INA: variants seen among roughly 807,000 people sequenced by gnomAD.
INA encodes the protein alpha-internexin.
A neutral mutation model predicts 40.1 loss-of-function variants in INA; 35 were observed. The observed-to-expected ratio is 0.87, with a 90% confidence interval of 0.67 to 1.16. INA has a LOEUF of 1.16. Among genes scored for constraint, INA ranks in the 50% most tolerant of loss-of-function variants. INA has a pLI of 0.00. For missense variants in INA, 594 were observed against 686.7 expected (o/e 0.87, Z 1.51); for synonymous variants, 290 against 316.9 (o/e 0.92, Z 0.90).
intron 2 of INA, 41 bp from the exon 3 acceptor site, chr10:103,288,319 G>A: frequency 2.0e-6 from 3 of 1,533,494 alleles, no homozygotes; most frequent in Non-Finnish European, 2.6e-6. Context: ...GGGGGGAAAA[G>A]TTATTGACTT....
At chr10:103,279,575 A>G (rs530584690) in intron 1 of INA, among the ~76,000 whole-genome samples, 1 of 152,368 alleles carries the variant, frequency 6.6e-6, no homozygotes, top group South Asian at 2.1e-4. Context: ...GAATGACTAT[A>G]ATTCAGAAAC....
rs764379458 is a variant in INA at position 103,277,332 on chromosome 10, C to T, written c.121C>T (p.Gln41Ter). ...GAGGAGGFRS[Q>*]SLSRSNVASS... ...CGGCGGCGCGGGCGGCTTCCGCTCG[C>T]AGTCGCTGTCCCGCAGCAATGTGGC... Residue 41 changes from glutamine to a stop codon, truncating the protein, a stop_gained, in exon 1 of 3, where the codon CAG (glutamine) becomes TAG (stop). Coordinates refer to ENST00000369849, the MANE Select transcript of INA (RefSeq NM_032727.4). LOFTEE classifies it high-confidence loss of function. The surrounding 1 kb of genome is among the most constrained non-coding windows in gnomAD (Gnocchi z 5.6). 1 of 1,583,562 alleles carries T rather than the reference C, an allele frequency of 6.3e-7. No homozygotes were observed. The highest frequency in any genetic ancestry group is 1.1e-5 in the South Asian group (1 of 88,570).
At position 103,277,462 on chromosome 10, in the gene INA, CCAA is replaced by C; in HGVS notation, c.253_255del (p.Asn85del). 6.3e-7 allele frequency: 1 copy of C among 1,577,712 alleles called. No individual in the cohort carries two copies. ...GACCTGAGCCAGGCGGCGGCGCGCA[CCAA>C]CGAGTACAAGATCATCCGCACCAAC... On this transcript the variant is annotated inframe_deletion, in exon 1 of 3. Coordinates refer to ENST00000369849, the MANE Select transcript of INA (RefSeq NM_032727.4). This position sits in a 1 kb window ranked among gnomAD's most constrained non-coding sequence, Gnocchi z 5.6.
chr10:103,281,313 G>A (rs888349660), intron 1 of INA, among the ~76,000 whole-genome samples: 1 of 152,054 alleles, frequency 6.6e-6, no homozygotes, highest in African/African-American at 2.4e-5. Context: ...TAAACTAGTG[G>A]ATCCTAAACC....
chr10:103,277,703 C>T lies in INA; in HGVS notation c.492C>T (p.Ala164=). ...LEEASSARSQ[A]LLERDGLAEE... ...AGGCCAGCTCGGCTCGCTCGCAGGC[C>T]CTGCTGGAGCGCGACGGGCTGGCGG... is the stretch of plus-strand genomic sequence containing the variant. The change falls in exon 1 of 3, where the codon GCC becomes GCT. Residue 164 remains alanine, a synonymous_variant. Coordinates refer to ENST00000369849, the MANE Select transcript of INA (RefSeq NM_032727.4). This position sits in a 1 kb window ranked among gnomAD's most constrained non-coding sequence, Gnocchi z 5.6. 7.3e-7 allele frequency: 1 copy of T among 1,376,036 alleles called. No individual in the cohort carries two copies. The allele number at this position is 1,376,036 out of a possible 1,614,324, so 85.2% of individuals were successfully genotyped here.
Position 103,278,356 on chromosome 10 carries a change from C to A in INA, c.1065+80C>A, listed in dbSNP as rs1180736338. On this transcript the variant is annotated intron_variant, in intron 1 of 2. Coordinates refer to ENST00000369849, the MANE Select transcript of INA (RefSeq NM_032727.4). This position sits in a 1 kb window ranked among gnomAD's most constrained non-coding sequence, Gnocchi z 4.9. Reference sequence around the variant, plus strand: ...CCTCTTCCTCTGGTAAAACTGGGCCCCAGGACTTAAGGGGAGGGCAAAAGA... The same window carrying A: ...CCTCTTCCTCTGGTAAAACTGGGCCACAGGACTTAAGGGGAGGGCAAAAGA... The A allele has an allele frequency of 1.6e-6, 2 of 1,224,726 alleles. No homozygotes were observed. The highest frequency in any genetic ancestry group is 5.1e-5 in the East Asian group (2 of 38,974). The allele number at this position is 1,224,726 out of a possible 1,614,324, so 75.9% of individuals were successfully genotyped here.
chr10:103,280,423 G>C, intron 1 of INA: 1 of 985,428 alleles, frequency 1.0e-6, no homozygotes, highest in Non-Finnish European at 1.2e-6. Flanking sequence ...GCTGACCAAG[G>C]TGAAAAGCCT....
At chr10:103,280,075 C>A in intron 1 of INA, 1 of 1,234,512 alleles carries the variant, frequency 8.1e-7, no homozygotes, top group South Asian at 1.4e-5. Context: ...CCCATACATT[C>A]TAAGAAGTAG....
At chr10:103,287,702 T>C (rs1269738009) in intron 2 of INA, among the ~76,000 whole-genome samples, 2 of 132,746 alleles carry the variant, frequency 1.5e-5, no homozygotes, top group Admixed American at 8.8e-5. Flanking sequence ...GTCACTGCAC[T>C]CCAGCCTGGG....
In INA at chr10:103,277,546, T is replaced by C. The variant is rs749296816; in HGVS notation, c.335T>C (p.Val112Ala). Residue 112 changes from valine (V) to alanine (A), a missense_variant, in exon 1 of 3, where the codon GTG becomes GCG. Physicochemically the swap from Val to Ala is moderately conservative, Grantham distance 64. Around this residue, in one of 2 missense-constraint regions of INA, gnomAD observed 215 missense variants for 190.6 expected, o/e 1.13. Transcript: ENST00000369849. This position sits in a 1 kb window ranked among gnomAD's most constrained non-coding sequence, Gnocchi z 5.6. ...NDRFAVFIEK[V>A]HQLETQNRAL... ...CGCTTCGCCGTGTTCATCGAGAAGG[T>C]GCATCAGCTGGAGACGCAGAACCGC... 15 of 1,583,130 alleles carry C rather than the reference T, an allele frequency of 9.5e-6. No individual in the cohort carries two copies. In the South Asian group the frequency reaches 1.7e-4, roughly 18 times the overall value.
intron 1 of INA, among the ~76,000 whole-genome samples, chr10:103,284,136 C>T (rs1392990633): frequency 6.8e-6 from 1 of 146,374 alleles, no homozygotes; most frequent in Non-Finnish European, 1.5e-5. Flanking sequence ...AAGACGGGGT[C>T]TTGCTGTGTC....
At position 103,287,128 on chromosome 10, in the gene INA, A is replaced by G; in HGVS notation, c.1159A>G (p.Met387Val). 3 of 1,613,826 alleles carry G rather than the reference A, an allele frequency of 1.9e-6. No homozygotes were observed. The highest frequency in any genetic ancestry group is 1.7e-6 in the Non-Finnish European group (2 of 1,179,890). Residue 387 changes from methionine to valine, a missense_variant, in exon 2 of 3, where the codon ATG becomes GTG. Around this residue, in one of 2 missense-constraint regions of INA, gnomAD observed 379 missense variants for 496.1 expected, o/e 0.76. Coordinates refer to ENST00000369849, the MANE Select transcript of INA (RefSeq NM_032727.4). ...ATACCAGGACTTGCTCAATGTCAAAATGGCTCTTGACATTGAGATAGCAGC... is the reference window on the plus strand; with the variant it reads ...ATACCAGGACTTGCTCAATGTCAAAGTGGCTCTTGACATTGAGATAGCAGC... ...REYQDLLNVKMALDIEIAAYR... is the reference protein window; with the variant it reads ...REYQDLLNVKVALDIEIAAYR...
intron 1 of INA, among the ~76,000 whole-genome samples, chr10:103,282,819 G>A (rs558794131): frequency 3.3e-5 from 5 of 151,994 alleles, no homozygotes; most frequent in African/African-American, 7.2e-5. Flanking sequence ...GTTACTTTTC[G>A]TAGTTATCTA....
chr10:103,277,690 C>G lies in INA; in HGVS notation c.479C>G (p.Ala160Gly). The change falls in exon 1 of 3, where the codon GCT becomes GGT. Residue 160 changes from alanine to glycine, a missense_variant. Around this residue, in one of 2 missense-constraint regions of INA, gnomAD observed 379 missense variants for 496.1 expected, o/e 0.76. Coordinates refer to ENST00000369849, the MANE Select transcript of INA (RefSeq NM_032727.4). This position sits in a 1 kb window ranked among gnomAD's most constrained non-coding sequence, Gnocchi z 5.6. ...GCGCAGCTGGAGGAGGCCAGCTCGG[C>G]TCGCTCGCAGGCCCTGCTGGAGCGC... ...LRAQLEEASS[A>G]RSQALLERDG... is the part of the protein sequence containing the mutation. 1 of 1,372,592 alleles carries G rather than the reference C, an allele frequency of 7.3e-7. No homozygotes were observed. The highest frequency in any genetic ancestry group is 9.3e-7 in the Non-Finnish European group (1 of 1,073,376). The allele number at this position is 1,372,592 out of a possible 1,614,324, so 85.0% of individuals were successfully genotyped here. A position where few individuals can be genotyped will look rare whatever the true frequency, so the allele number is the denominator to read the frequency against.
Position 103,277,962 on chromosome 10 carries a change from G to T in INA, c.751G>T (p.Glu251Ter). ...GCAGGCGTCGTCGCAGGCCGCGGCC[G>T]AGGTGGACGTGACTGTGGCTAAACC... The part of the protein sequence containing the change: ...TLQASSQAAA[E>*]VDVTVAKPDL... The change falls in exon 1 of 3, where the codon GAG becomes TAG. Residue 251 changes from glutamate (E) to a stop codon, truncating the protein, a stop_gained. Coordinates refer to ENST00000369849, the MANE Select transcript of INA (RefSeq NM_032727.4). LOFTEE classifies it high-confidence loss of function. The surrounding 1 kb of genome is among the most constrained non-coding windows in gnomAD (Gnocchi z 5.6). 2 of 1,569,014 alleles carry T rather than the reference G, an allele frequency of 1.3e-6. No individual in the cohort carries two copies. The highest frequency in any genetic ancestry group is 1.7e-6 in the Non-Finnish European group (2 of 1,157,948).
intron 2 of INA, among the ~76,000 whole-genome samples, 177 bp from the exon 3 acceptor site, chr10:103,288,183 C>T (rs567731782): frequency 3.3e-5 from 5 of 152,082 alleles, no homozygotes; most frequent in African/African-American, 9.6e-5. Context: ...TGTGCGCATG[C>T]GTATGCACGT....
rs150189613 is a variant in INA at position 103,286,008 on chromosome 10, A to C, written c.1066-1027A>C. ...CAAGCCTGAAGGGCCTGGGACAGCAATGAACTTGGTATAGTTAAGGAGTAA... is the reference window on the plus strand; with the variant it reads ...CAAGCCTGAAGGGCCTGGGACAGCACTGAACTTGGTATAGTTAAGGAGTAA... On this transcript the variant is annotated intron_variant, in intron 1 of 2. Transcript: ENST00000369849. 3.3e-5 allele frequency among the ~76,000 whole-genome samples: 5 copies of C among 152,198 alleles called. No homozygotes were observed. In the East Asian group the frequency reaches 9.6e-4, roughly 29 times the overall value.
At position 103,277,329 on chromosome 10, in the gene INA, T is replaced by C; in HGVS notation, c.118T>C (p.Ser40Pro). The change falls in exon 1 of 3, where the codon TCG (serine) becomes CCG (proline). Residue 40 changes from serine (S) to proline (P), a missense_variant. This residue lies in a region of INA where 215 missense variants were observed against 190.6 expected (regional missense o/e 1.13). Coordinates refer to ENST00000369849, the MANE Select transcript of INA (RefSeq NM_032727.4). This position sits in a 1 kb window ranked among gnomAD's most constrained non-coding sequence, Gnocchi z 5.6. ...GGCCGGCGGCGCGGGCGGCTTCCGC[T>C]CGCAGTCGCTGTCCCGCAGCAATGT... ...SGAGGAGGFR[S>P]QSLSRSNVAS... 1 of 1,583,640 alleles carries C rather than the reference T, an allele frequency of 6.3e-7. No individual in the cohort carries two copies. The highest frequency in any genetic ancestry group is 8.5e-7 in the Non-Finnish European group (1 of 1,170,796).
In INA at chr10:103,284,356, G is replaced by A. The variant is rs149663686; in HGVS notation, c.1066-2679G>A. On this transcript the variant is annotated intron_variant, in intron 1 of 2. Coordinates refer to ENST00000369849, the MANE Select transcript of INA (RefSeq NM_032727.4). Reference sequence around the variant, plus strand: ...AGCCAGGGATGTTACTAAATATCCCGCATTTCACAATAACAAATAATTAGC... The same window carrying A: ...AGCCAGGGATGTTACTAAATATCCCACATTTCACAATAACAAATAATTAGC... Among the ~76,000 whole-genome samples, 35 of 152,286 alleles carry A rather than the reference G, an allele frequency of 2.3e-4. 1 individual carries two copies. In the East Asian group the frequency reaches 5.8e-3, roughly 25 times the overall value.
Sources: gnomAD v4.1 joint callset for allele counts (sites outside exome capture counted in the v4.1 genomes callset) on GRCh38, gnomAD v4.1.1 for gene constraint, gnomAD v4.1.1 regional missense constraint, Gnocchi (gnomAD v3.1) non-coding constraint, MANE v1.5 for transcripts, NCBI Gene and HGNC (gene_info 2026-07-23, HGNC 2026-07-21) for gene names.